The following ARSB variants were observed in gnomAD, a reference collection of about 807,000 sequenced individuals.
The protein encoded by ARSB is N-acetylgalactosamine-4-sulfatase.
Under a neutral mutation model 50.9 loss-of-function variants are expected in ARSB, and 41 were observed. That is an observed-to-expected ratio of 0.81 (90% CI 0.63 to 1.04). ARSB has a LOEUF of 1.04. Among genes scored for constraint, ARSB ranks in the 50% least tolerant of loss-of-function variants. The pLI is 0.00. For synonymous variants in ARSB, 269 were observed against 284.8 expected, an observed-to-expected ratio of 0.94 and a Z score of 0.56; for missense variants, 672 against 693.3, an observed-to-expected ratio of 0.97 and a Z score of 0.35.
At chr5:78,815,076 G>C (rs1218671960) in intron 6 of ARSB, among the ~76,000 whole-genome samples, 2 of 150,626 alleles carry the variant, frequency 1.3e-5, no homozygotes, top group Non-Finnish European at 3.0e-5. Context: ...AAAGGCGTTG[G>C]GATTATTTAG....
intron 4 of ARSB, among the ~76,000 whole-genome samples, chr5:78,914,726 G>A (rs1318328137): frequency 6.6e-6 from 1 of 152,120 alleles, no homozygotes; most frequent in Non-Finnish European, 1.5e-5. Flanking sequence ...ACTCAGGCTG[G>A]CGTGCATGAT....
intron 5 of ARSB, among the ~76,000 whole-genome samples, chr5:78,863,741 G>A (rs951644362): frequency 2.6e-5 from 4 of 151,738 alleles, no homozygotes; most frequent in African/African-American, 9.7e-5. Context: ...ATGTACCCTA[G>A]AACTTAAAGT....
At chr5:78,944,548 G>C (rs1751118191) in intron 4 of ARSB, among the ~76,000 whole-genome samples, 1 of 152,196 alleles carries the variant, frequency 6.6e-6, no homozygotes, top group African/African-American at 2.4e-5. Context: ...GTCCACTCCA[G>C]ACCCTGTTTG....
At position 78,812,592 on chromosome 5, in the gene ARSB, AACACACAC is replaced by A. The variant is rs66597603; in HGVS notation, c.1213+26756_1213+26763del. On this transcript the variant is annotated intron_variant, in intron 6 of 7. Transcript: ENST00000264914. ...TGAAGTCATATGAACATTCTGTTCAAACACACACACACACACACACACACACACACACA... is the reference window on the plus strand; with the variant it reads ...TGAAGTCATATGAACATTCTGTTCAAACACACACACACACACACACACACA... 5.7e-3 allele frequency among the ~76,000 whole-genome samples: 820 copies of A among 144,358 alleles called. 5 individuals carry two copies. The highest frequency in any genetic ancestry group is 0.01 in the Middle Eastern group (3 of 290). The allele number at this position is 144,358 out of a possible 152,430, so 94.7% of individuals were successfully genotyped here.
intron 6 of ARSB, among the ~76,000 whole-genome samples, chr5:78,820,987 A>AG (rs1441340911): frequency 6.6e-6 from 1 of 151,998 alleles, no homozygotes; most frequent in Admixed American, 6.6e-5. Flanking sequence ...ATGTAAAAAA[A>AG]AAAAAGTATT....
intron 3 of ARSB, among the ~76,000 whole-genome samples, chr5:78,962,184 T>A (rs867675129): frequency 8.5e-5 from 13 of 152,314 alleles, no homozygotes; most frequent in South Asian, 8.3e-4. Context: ...AGTTTGCTTA[T>A]GTGTAAAATG....
At chr5:78,843,547 T>A (rs1745320415) in intron 5 of ARSB, among the ~76,000 whole-genome samples, 1 of 152,206 alleles carries the variant, frequency 6.6e-6, no homozygotes, top group Non-Finnish European at 1.5e-5. Context: ...CAAACTTAGC[T>A]TTATTGAAGT....
chr5:78,849,105 A>G (rs1342992618), intron 5 of ARSB, among the ~76,000 whole-genome samples: 5 of 152,074 alleles, frequency 3.3e-5, no homozygotes, highest in Non-Finnish European at 7.4e-5. Context: ...TTTTGTTGCC[A>G]TTGCTTTTGG....
At chr5:78,792,176 C>T (rs769091744) in intron 6 of ARSB, among the ~76,000 whole-genome samples, 1 of 152,046 alleles carries the variant, frequency 6.6e-6, no homozygotes, top group Admixed American at 6.5e-5. Flanking sequence ...GCCAGGAGTT[C>T]GAGACCAGCC....
chr5:78,978,415 A>G (rs1752757138), intron 1 of ARSB, among the ~76,000 whole-genome samples: 1 of 152,042 alleles, frequency 6.6e-6, no homozygotes, highest in Non-Finnish European at 1.5e-5. Context: ...TTGTTGAGGT[A>G]GTAATACTCT....
intron 4 of ARSB, among the ~76,000 whole-genome samples, chr5:78,939,607 T>C (rs1212044868): frequency 6.6e-6 from 1 of 152,226 alleles, no homozygotes; most frequent in African/African-American, 2.4e-5. Flanking sequence ...ATAAAGGACA[T>C]GAACTCATCA....
intron 4 of ARSB, among the ~76,000 whole-genome samples, chr5:78,947,718 G>A (rs1751308635): frequency 6.6e-6 from 1 of 152,198 alleles, no homozygotes; most frequent in Non-Finnish European, 1.5e-5. Context: ...ATGGAGAACA[G>A]TTTGGAGGTT....
At chr5:78,935,917 TCCTCC>T (rs1420674941) in intron 4 of ARSB, among the ~76,000 whole-genome samples, 20 of 132,470 alleles carry the variant, frequency 1.5e-4, no homozygotes, top group Non-Finnish European at 2.7e-4. Context: ...TCGTTCTCTC[TCCTCC>T]CCTCTCCTCC....
chr5:78,851,337 T>C (rs377503514), intron 5 of ARSB, among the ~76,000 whole-genome samples: 16 of 152,106 alleles, frequency 1.1e-4, no homozygotes, highest in Non-Finnish European at 1.5e-4. Flanking sequence ...CATTCAGGAG[T>C]AGGTTGTTCA....
intron 5 of ARSB, chr5:78,883,841 AACTTCCTT>A (rs1747876853): frequency 2.0e-5 from 3 of 152,194 alleles, no homozygotes; most frequent in Admixed American, 6.5e-5. Context: ...ATAGCTATCA[AACTTCCTT>A]TGTAAAAACT....
At chr5:78,926,149 T>C (rs914636051) in intron 4 of ARSB, among the ~76,000 whole-genome samples, 1 of 152,144 alleles carries the variant, frequency 6.6e-6, no homozygotes, top group Non-Finnish European at 1.5e-5. Context: ...ATCCTATTTG[T>C]TGTATGTTAT....
At chr5:78,783,999 T>C (rs1306108688) in intron 6 of ARSB, among the ~76,000 whole-genome samples, 1 of 151,294 alleles carries the variant, frequency 6.6e-6, no homozygotes, top group Non-Finnish European at 1.5e-5. Context: ...CATGTTTGCC[T>C]TTTTTTAAAA....
chr5:78,961,278 G>T (rs28370903), intron 3 of ARSB, among the ~76,000 whole-genome samples: 22,796 of 152,164 alleles, frequency 0.15, 2,125 homozygotes, highest in Non-Finnish European at 0.21. Flanking sequence ...ATTTTATACA[G>T]AATTGAAAAT....
At chr5:78,941,406 T>C (rs528816904) in intron 4 of ARSB, among the ~76,000 whole-genome samples, 3 of 152,098 alleles carry the variant, frequency 2.0e-5, no homozygotes, top group South Asian at 2.1e-4. Flanking sequence ...ATTCAGTATA[T>C]TGGCTGTGGG....
Sources: gnomAD v4.1 joint callset for allele counts (sites outside exome capture counted in the v4.1 genomes callset) on GRCh38, gnomAD v4.1.1 for gene constraint, MANE v1.5 for transcripts, NCBI Gene and HGNC (gene_info 2026-07-23, HGNC 2026-07-21) for gene names.